Variants in ARL15 observed in about 807,000 individuals in gnomAD.
ARL15 encodes the protein ARF like GTPase 15.
Under a neutral mutation model 25.2 loss-of-function variants are expected in ARL15, and 19 were observed. The ratio of observed to expected loss-of-function variants is 0.75; its 90% CI spans 0.53 to 1.10. The LOEUF is 1.10. Among genes scored for constraint, ARL15 ranks in the 50% least tolerant of loss-of-function variants. ARL15 has a pLI of 0.00. For missense variants in ARL15, 220 were observed against 246.0 expected (o/e 0.89, Z 0.71); for synonymous variants, 94 against 86.8 (o/e 1.08, Z -0.46).
intron 1 of ARL15, among the ~76,000 whole-genome samples, chr5:54,304,138 A>G (rs1332234464): frequency 6.6e-6 from 1 of 152,182 alleles, no homozygotes; most frequent in Non-Finnish European, 1.5e-5. Flanking sequence ...AAAAATTTTG[A>G]GTGCATCCCA....
At chr5:54,085,181 G>T (rs749881232) in intron 4 of ARL15, among the ~76,000 whole-genome samples, 131 of 152,266 alleles carry the variant, frequency 8.6e-4, no homozygotes, top group Middle Eastern at 3.4e-3. Context: ...AAGAATAAAT[G>T]AATTGTTTAA....
chr5:53,973,226 G>A (rs1036115277), intron 4 of ARL15, among the ~76,000 whole-genome samples: 6 of 133,422 alleles, frequency 4.5e-5, no homozygotes, highest in South Asian at 5.1e-4. Flanking sequence ...GTTTTTTAAC[G>A]TCAAAAAAAT....
At chr5:53,893,950 T>C (rs1744795909) in intron 4 of ARL15, among the ~76,000 whole-genome samples, 1 of 152,152 alleles carries the variant, frequency 6.6e-6, no homozygotes, top group Non-Finnish European at 1.5e-5. Context: ...GTACTAAATA[T>C]GTCATTAAAG....
At chr5:54,287,753 A>C (rs1336849739) in intron 1 of ARL15, among the ~76,000 whole-genome samples, 1 of 152,158 alleles carries the variant, frequency 6.6e-6, no homozygotes, top group African/African-American at 2.4e-5. Flanking sequence ...GCATGGTCAC[A>C]TCATAGAGTC....
intron 4 of ARL15, among the ~76,000 whole-genome samples, chr5:54,095,079 G>A (rs982606733): frequency 6.6e-6 from 1 of 152,106 alleles, no homozygotes; most frequent in African/African-American, 2.4e-5. Context: ...GGCCTGCAGT[G>A]GGCTTGCATA....
intron 4 of ARL15, among the ~76,000 whole-genome samples, chr5:54,110,825 C>T (rs1025778579): frequency 6.6e-6 from 1 of 151,978 alleles, no homozygotes; most frequent in African/African-American, 2.4e-5. Context: ...TTATTGTTTA[C>T]AAAATGTTTA....
chr5:54,230,476 C>T (rs1756640915), intron 1 of ARL15, among the ~76,000 whole-genome samples: 1 of 152,036 alleles, frequency 6.6e-6, no homozygotes, highest in Non-Finnish European at 1.5e-5. Context: ...CCACCAAAGA[C>T]ATGCACCCAG....
At chr5:54,306,928 A>G (rs1758772189) in intron 1 of ARL15, among the ~76,000 whole-genome samples, 1 of 152,236 alleles carries the variant, frequency 6.6e-6, no homozygotes, top group Non-Finnish European at 1.5e-5. Flanking sequence ...CCTCCCAGGA[A>G]AACTCGAGAA....
chr5:53,984,013 G>A (rs967100400), intron 4 of ARL15, among the ~76,000 whole-genome samples: 1 of 152,152 alleles, frequency 6.6e-6, no homozygotes. Flanking sequence ...GTCCACCCGG[G>A]CTATGTGCAC....
chr5:54,289,764 A>T (rs1758278837), intron 1 of ARL15, among the ~76,000 whole-genome samples: 1 of 152,346 alleles, frequency 6.6e-6, no homozygotes, highest in East Asian at 1.9e-4. Context: ...TACCTATTTC[A>T]TTGGGTACTA....
At position 54,071,125 on chromosome 5, in the gene ARL15, G is replaced by A. The variant is rs546475657; in HGVS notation, c.462+42077C>T. On this transcript the variant is annotated intron_variant, in intron 4 of 4. Transcript: ENST00000504924. ...GTCAGGGCTGCAGTGAGCCATGTTCGTGCCGCTGCACTCTAGCCTAGATGA... is the reference window on the plus strand; with the variant it reads ...GTCAGGGCTGCAGTGAGCCATGTTCATGCCGCTGCACTCTAGCCTAGATGA... Among the ~76,000 whole-genome samples the A allele has an allele frequency of 3.3e-5, 5 of 151,464 alleles. No homozygotes were observed. The East Asian group carries it at 7.8e-4, about 24-fold the overall frequency.
At chr5:54,061,336 A>G (rs1338894165) in intron 4 of ARL15, among the ~76,000 whole-genome samples, 1 of 152,172 alleles carries the variant, frequency 6.6e-6, no homozygotes, top group East Asian at 1.9e-4. Context: ...GGGGCTGGAC[A>G]TGGTGGCTCA....
intron 1 of ARL15, among the ~76,000 whole-genome samples, chr5:54,217,783 C>T (rs1052230479): frequency 6.6e-6 from 1 of 151,994 alleles, no homozygotes; most frequent in Admixed American, 6.6e-5. Flanking sequence ...TTATTGTTAA[C>T]CATTTTATAT....
At chr5:54,065,819 A>G (rs546921827) in intron 4 of ARL15, among the ~76,000 whole-genome samples, 7 of 148,540 alleles carry the variant, frequency 4.7e-5, no homozygotes, top group Middle Eastern at 3.4e-3. Flanking sequence ...AATTTTCAGT[A>G]CTGATTACAT....
At chr5:54,024,328 G>C (rs1216955590) in intron 4 of ARL15, among the ~76,000 whole-genome samples, 1 of 152,092 alleles carries the variant, frequency 6.6e-6, no homozygotes, top group Non-Finnish European at 1.5e-5. Context: ...AAAAATCAAT[G>C]GCAGTTATGT....
intron 1 of ARL15, among the ~76,000 whole-genome samples, chr5:54,253,969 A>G (rs1263417055): frequency 1.3e-5 from 2 of 152,226 alleles, no homozygotes; most frequent in Admixed American, 1.3e-4. Flanking sequence ...ACTTCCACAA[A>G]TTTTGGCAAT....
chr5:54,151,756 G>C (rs1296460877), intron 3 of ARL15, among the ~76,000 whole-genome samples: 1 of 152,070 alleles, frequency 6.6e-6, no homozygotes, highest in Non-Finnish European at 1.5e-5. Flanking sequence ...TTCACTGAGT[G>C]TAACTCCATT....
intron 2 of ARL15, among the ~76,000 whole-genome samples, chr5:54,155,582 G>A (rs1446347695): frequency 6.6e-6 from 1 of 151,944 alleles, no homozygotes; most frequent in Non-Finnish European, 1.5e-5. Flanking sequence ...AATATTCAGA[G>A]TATACAGTTC....
At chr5:54,018,335 T>C (rs1426188102) in intron 4 of ARL15, among the ~76,000 whole-genome samples, 2 of 152,234 alleles carry the variant, frequency 1.3e-5, no homozygotes, top group Non-Finnish European at 2.9e-5. Context: ...CAGTAGGATA[T>C]ATGCTATTTT....
Sources: allele counts gnomAD v4.1 joint callset (sites outside exome capture counted in the v4.1 genomes callset), GRCh38; gene constraint gnomAD v4.1.1; transcripts MANE v1.5; gene names NCBI Gene and HGNC (gene_info 2026-07-23, HGNC 2026-07-21).